The following CD5L variants were observed in gnomAD, a reference collection of about 807,000 sequenced individuals.
CD5L encodes the protein CD5 molecule like.
CD5L carries 39 observed loss-of-function variants against 40.8 expected under a neutral mutation model. That is an observed-to-expected ratio of 0.96 (90% CI 0.74 to 1.25). The LOEUF is 1.25. Among genes scored for constraint, CD5L ranks in the 50% most tolerant of loss-of-function variants. The pLI, the probability that CD5L is intolerant of heterozygous loss-of-function variation, is 0.00. For missense variants in CD5L, 433 were observed against 435.9 expected, an observed-to-expected ratio of 0.99 and a Z score of 0.06; for synonymous variants, 192 against 169.6, an observed-to-expected ratio of 1.13 and a Z score of -1.03.
At chr1:157,833,966 A>G (rs1656120757) in intron 4 of CD5L, among the ~76,000 whole-genome samples, 2 of 151,862 alleles carry the variant, frequency 1.3e-5, no homozygotes, top group Non-Finnish European at 2.9e-5. Context: ...AACTCTCCAC[A>G]TGTATTTCTG....
Position 157,832,479 on chromosome 1 carries a change from C to T in CD5L, c.1040-511G>A, listed in dbSNP as rs533710548. Among the ~76,000 whole-genome samples the T allele has an allele frequency of 5.3e-5, 8 of 152,302 alleles. No homozygotes were observed. In the South Asian group the frequency reaches 1.7e-3, roughly 32 times the overall value. ...GCCCCACATTGATTACACAATGGGG[C>T]TTCAGACGGGTGGCTTTTTTGAGTC... On this transcript the variant is annotated intron_variant, in intron 5 of 5. Coordinates refer to ENST00000368174, the MANE Select transcript of CD5L (RefSeq NM_005894.3).
chr1:157,827,514 CAGA>C (rs1655935284), downstream of CD5L, among the ~76,000 whole-genome samples: 2 of 152,174 alleles, frequency 1.3e-5, no homozygotes, highest in Admixed American at 6.5e-5. Context: ...AGTCCAAGGG[CAGA>C]AGAAGATCAG....
chr1:157,839,820 A>G (rs1419665273), intron 1 of CD5L, among the ~76,000 whole-genome samples: 1 of 152,238 alleles, frequency 6.6e-6, no homozygotes, highest in Non-Finnish European at 1.5e-5. Context: ...TGGTGGGCAG[A>G]GCAGAAATTA....
chr1:157,839,248 T>C, intron 2 of CD5L, 136 bp downstream of exon 2: 1 of 822,082 alleles, frequency 1.2e-6, no homozygotes, highest in Non-Finnish European at 2.1e-6. Context: ...CAAGACTGAG[T>C]GGGTGAGGTA....
chr1:157,829,103 G>A (rs1338499946), downstream of CD5L, among the ~76,000 whole-genome samples: 1 of 152,212 alleles, frequency 6.6e-6, no homozygotes, highest in African/African-American at 2.4e-5. Context: ...TTGAGGAAAG[G>A]AGAGAAAGCC....
intron 2 of CD5L, among the ~76,000 whole-genome samples, chr1:157,836,634 T>A (rs1656222483): frequency 6.6e-6 from 1 of 152,182 alleles, no homozygotes; most frequent in Non-Finnish European, 1.5e-5. Flanking sequence ...CTGTTGCGTT[T>A]TTCCTCTTCA....
intron 5 of CD5L, 40 bp from the exon 6 acceptor site, chr1:157,832,008 G>T: frequency 6.9e-7 from 1 of 1,448,676 alleles, no homozygotes; most frequent in Non-Finnish European, 9.5e-7. Context: ...GATGGGTATA[G>T]TCCAGGAAGG....
intron 2 of CD5L, among the ~76,000 whole-genome samples, chr1:157,838,741 C>T (rs1351491412): frequency 1.3e-5 from 2 of 152,082 alleles, no homozygotes; most frequent in African/African-American, 4.8e-5. Flanking sequence ...ACACCAATAG[C>T]AATGTTTCTG....
rs1238210912 is a variant in CD5L, at chr1:157,836,045, T to C, written c.166A>G (p.Lys56Glu). ...GTVCDDGWDI[K>E]DVAVLCRELG... ...TCCCGGCACAACACAGCCACGTCCTTAATGTCCCAGCCGTCATCACACACG... is the reference window on the plus strand; with the variant it reads ...TCCCGGCACAACACAGCCACGTCCTCAATGTCCCAGCCGTCATCACACACG... Residue 56 changes from lysine (K) to glutamate (E), a missense_variant, in exon 3 of 6, where the codon AAG becomes GAG. Coordinates refer to ENST00000368174, the MANE Select transcript of CD5L (RefSeq NM_005894.3). 1 of 1,614,188 alleles carries C rather than the reference T, an allele frequency of 6.2e-7. No homozygotes were observed.
Position 157,833,506 on chromosome 1 carries a change from A to G in CD5L, c.725T>C (p.Phe242Ser). 2 of 1,608,296 alleles carry G rather than the reference A, an allele frequency of 1.2e-6. No homozygotes were observed. Among genetic ancestry groups the G allele is most frequent in the Non-Finnish European group, 1.7e-6 (2 of 1,175,434 alleles). ...EDTWVECEDP[F>S]DLRLVGGDNL... Reference sequence around the variant, plus strand: ...GTCTCCTCCTACTAGTCTCAAGTCAAAGGGATCTGCAGGATGGGGGAGGAA... The same window carrying G: ...GTCTCCTCCTACTAGTCTCAAGTCAGAGGGATCTGCAGGATGGGGGAGGAA... Residue 242 changes from phenylalanine to serine, a missense_variant, in exon 5 of 6, where the codon TTT becomes TCT. Phe to Ser is a radical substitution (Grantham distance 155, BLOSUM62 -2). Transcript: ENST00000368174.
At position 157,839,376 on chromosome 1, in the gene CD5L, A is replaced by C. The variant is rs1247614538; in HGVS notation, c.55+8T>G. The C allele has an allele frequency of 6.2e-7, 1 of 1,613,520 alleles. No homozygotes were observed. Among genetic ancestry groups the C allele is most frequent in the Admixed American group, 1.7e-5 (1 of 59,868 alleles). On this transcript the variant is annotated splice_region_variant and intron_variant, in intron 2 of 5. Transcript: ENST00000368174. ...GGCCTCCCTCTCAGAAACCCCCAAA[A>C]ATCTTACCTAGGAATCCAGGTCTGG... is the stretch of plus-strand genomic sequence containing the variant.
intron 1 of CD5L, among the ~76,000 whole-genome samples, chr1:157,840,093 C>T (rs2765504): frequency 0.74 from 112,569 of 152,106 alleles, 41,839 homozygotes; most frequent in South Asian, 0.85. Flanking sequence ...AATAGTATTT[C>T]TCTTTTGCTT....
At chr1:157,833,635 T>TCAAAA in intron 4 of CD5L, 123 bp from the exon 5 acceptor site, 2 of 774,334 alleles carry the variant, frequency 2.6e-6, no homozygotes, top group Non-Finnish European at 4.0e-6. Context: ...AGACATCGTC[T>TCAAAA]CACTCTGTTG....
At position 157,831,351 on chromosome 1, in the gene CD5L, C is replaced by A. The variant is rs16839249; in HGVS notation, c.*613G>T. On this transcript the variant is annotated 3_prime_UTR_variant, in exon 6 of 6. Coordinates refer to ENST00000368174, the MANE Select transcript of CD5L (RefSeq NM_005894.3). ...CATGAAAAGGTCTAGGATTATAGGACGCTGCTCTGCTCCTGAAAGAATTGT... is the reference window on the plus strand; with the variant it reads ...CATGAAAAGGTCTAGGATTATAGGAAGCTGCTCTGCTCCTGAAAGAATTGT... 4 of 984,878 alleles carry A rather than the reference C, an allele frequency of 4.1e-6. No individual in the cohort carries two copies. The South Asian group carries it at 1.4e-4, about 35-fold the overall frequency. The allele number at this position is 984,878 out of a possible 1,614,324, so 61.0% of individuals were successfully genotyped here.
rs16839246 is a variant in CD5L, at chr1:157,831,334, G to A, written c.*630C>T. On this transcript the variant is annotated 3_prime_UTR_variant, in exon 6 of 6. Coordinates refer to ENST00000368174, the MANE Select transcript of CD5L (RefSeq NM_005894.3). ...CATCATTTTTTACACGTCATGAAAA[G>A]GTCTAGGATTATAGGACGCTGCTCT... 3,356 of 985,160 alleles carry A rather than the reference G, an allele frequency of 3.4e-3. 75 individuals carry two copies. The African/African-American group carries it at 0.054, about 16-fold the overall frequency. 61.0% of individuals were successfully genotyped at this position (985,160 alleles called of 1,614,324 possible).
In CD5L at chr1:157,831,682, G is replaced by A. The variant is rs1232634343; in HGVS notation, c.*282C>T. 4.2e-6 allele frequency: 5 copies of A among 1,200,554 alleles called. No individual in the cohort carries two copies. Among genetic ancestry groups the A allele is most frequent in the Non-Finnish European group, 5.2e-6 (5 of 967,896 alleles). 74.4% of individuals were successfully genotyped at this position (1,200,554 alleles called of 1,614,324 possible). On this transcript the variant is annotated 3_prime_UTR_variant, in exon 6 of 6. Coordinates refer to ENST00000368174, the MANE Select transcript of CD5L (RefSeq NM_005894.3). ...TTCCAGGCAGCTTGAGAAAAGGCAG[G>A]AAAGGCCAGAACCAGTGTCAAAGGG...
In CD5L at chr1:157,834,736, G is replaced by C. The variant is rs1441968418; in HGVS notation, c.389C>G (p.Ser130Cys). Reference sequence around the variant, plus strand: ...GACACCCTCTGGGACTGGGGAGAAAGAGCTCTCTGGGTCTGAGGGGAAAGA... The same window carrying C: ...GACACCCTCTGGGACTGGGGAGAAACAGCTCTCTGGGTCTGAGGGGAAAGA... ...AGASCENPES[S>C]FSPVPEGVRL... The change falls in exon 4 of 6, where the codon TCT becomes TGT. Residue 130 changes from serine (S) to cysteine (C), a missense_variant. Ser to Cys is a moderately radical substitution (Grantham distance 112, BLOSUM62 -1). Coordinates refer to ENST00000368174, the MANE Select transcript of CD5L (RefSeq NM_005894.3). 2 of 1,612,980 alleles carry C rather than the reference G, an allele frequency of 1.2e-6. No homozygotes were observed. Among genetic ancestry groups the C allele is most frequent in the African/African-American group, 1.3e-5 (1 of 74,902 alleles).
At chr1:157,836,516 C>T (rs898463916) in intron 2 of CD5L, among the ~76,000 whole-genome samples, 8 of 152,170 alleles carry the variant, frequency 5.3e-5, no homozygotes, top group African/African-American at 1.9e-4. Flanking sequence ...AAAGTCCACC[C>T]CATTATTTCA....
In CD5L at chr1:157,834,743, C is replaced by T; in HGVS notation, c.382G>A (p.Glu128Lys). 1 of 1,612,346 alleles carries T rather than the reference C, an allele frequency of 6.2e-7. No homozygotes were observed. Among genetic ancestry groups the T allele is most frequent in the Non-Finnish European group, 8.5e-7 (1 of 1,178,518 alleles). ...EDAGASCENP[E>K]SSFSPVPEGV... The stretch of plus-strand genomic sequence containing the variant: ...TCTGGGACTGGGGAGAAAGAGCTCT[C>T]TGGGTCTGAGGGGAAAGAAAGAGAG... The change falls in exon 4 of 6, where the codon GAG becomes AAG. Residue 128 changes from glutamate to lysine, a missense_variant. Physicochemically the swap from Glu to Lys is moderately conservative, Grantham distance 56 (BLOSUM62 1). Coordinates refer to ENST00000368174, the MANE Select transcript of CD5L (RefSeq NM_005894.3).
Sources: gnomAD v4.1 joint callset for allele counts (sites outside exome capture counted in the v4.1 genomes callset) on GRCh38, gnomAD v4.1.1 for gene constraint, MANE v1.5 for transcripts, NCBI Gene and HGNC (gene_info 2026-07-23, HGNC 2026-07-21) for gene names.